ZNF248: variants seen among roughly 807,000 people sequenced by gnomAD.
The protein encoded by ZNF248 is zinc finger protein 248.
In ZNF248, 20 loss-of-function variants were observed where a neutral mutation model predicts 44.3. The ratio of observed to expected loss-of-function variants is 0.45; its 90% CI spans 0.32 to 0.66. The LOEUF is 0.66. Ranked by LOEUF, ZNF248 falls within the 30% of genes least tolerant of loss-of-function variation. The pLI is 0.04. For missense variants in ZNF248, 654 were observed against 677.0 expected, an observed-to-expected ratio of 0.97 and a Z score of 0.38; for synonymous variants, 224 against 229.0, an observed-to-expected ratio of 0.98 and a Z score of 0.20.
At chr10:37,846,976 C>T (rs934191088) in intron 3 of ZNF248, among the ~76,000 whole-genome samples, 3 of 152,082 alleles carry the variant, frequency 2.0e-5, no homozygotes, top group Admixed American at 6.5e-5. Flanking sequence ...TGGGAAACAC[C>T]GATTATACAT....
Position 37,848,604 on chromosome 10 carries a change from T to C in ZNF248, c.15+7692A>G, listed in dbSNP as rs546498437. Among the ~76,000 whole-genome samples, 8 of 149,646 alleles carry C rather than the reference T, an allele frequency of 5.3e-5. No homozygotes were observed. The South Asian group carries it at 1.1e-3, about 20-fold the overall frequency. ...TCCGTCTCAAAAAAAAAAAAAAGAA[T>C]ACTCCTGGGAAGGAGCCCCTCAGCA... On this transcript the variant is annotated intron_variant, in intron 3 of 5. Coordinates refer to ENST00000395867, the MANE Select transcript of ZNF248 (RefSeq NM_021045.3).
intron 6 of ZNF248, among the ~76,000 whole-genome samples, chr10:37,789,291 CAA>C (rs5784563): frequency 6.8e-5 from 10 of 146,652 alleles, no homozygotes; most frequent in African/African-American, 2.5e-4. Flanking sequence ...AATTATATCT[CAA>C]AAAAAAAAAC....
rs1326739288 is a variant in ZNF248 at position 37,829,490 on chromosome 10, T to G, written c.*2125A>C. ...TAATTACCATATAGAACATTAACAC[T>G]TAGAAAAATATTCCTCTGTGTCAGC... On this transcript the variant is annotated 3_prime_UTR_variant, in exon 6 of 6. Transcript: ENST00000395867. 30 of 984,988 alleles carry G rather than the reference T, an allele frequency of 3.0e-5. No individual in the cohort carries two copies. Among genetic ancestry groups the G allele is most frequent in the Non-Finnish European group, 3.3e-5 (27 of 829,784 alleles). 61.0% of individuals were successfully genotyped at this position (984,988 alleles called of 1,614,324 possible).
chr10:37,764,913 C>A, the ZNF248 span, among the ~76,000 whole-genome samples: 1 of 151,932 alleles, frequency 6.6e-6, no homozygotes, highest in South Asian at 2.1e-4. Flanking sequence ...ATGCATGAAT[C>A]TGCACTAGTT....
downstream of ZNF248, among the ~76,000 whole-genome samples, chr10:37,826,206 C>A (rs562253586): frequency 4.2e-4 from 64 of 152,202 alleles, no homozygotes; most frequent in African/African-American, 1.4e-3. Flanking sequence ...TAAAAGGACA[C>A]TGAAATATAA....
intron 6 of ZNF248, chr10:37,820,352 C>T: frequency 7.1e-7 from 1 of 1,412,830 alleles, no homozygotes; most frequent in South Asian, 1.2e-5. Flanking sequence ...CCCTTTGTGC[C>T]AGCTGCTCTG....
At chr10:37,845,972 A>G (rs2059254389) in intron 3 of ZNF248, among the ~76,000 whole-genome samples, 1 of 152,218 alleles carries the variant, frequency 6.6e-6, no homozygotes, top group Non-Finnish European at 1.5e-5. Context: ...GTAAACTGGT[A>G]CAAACCTTGG....
chr10:37,820,274 G>T, intron 6 of ZNF248: 1 of 1,380,318 alleles, frequency 7.2e-7, no homozygotes, highest in South Asian at 1.2e-5. Context: ...AATGCTCTGT[G>T]TTGCCAGATC....
At chr10:37,848,167 G>C (rs1021821875) in intron 3 of ZNF248, among the ~76,000 whole-genome samples, 1 of 152,152 alleles carries the variant, frequency 6.6e-6, no homozygotes, top group African/African-American at 2.4e-5. Flanking sequence ...CAGCTACTCG[G>C]GAGGCTGAGG....
chr10:37,853,689 G>C (rs1490725653), intron 3 of ZNF248, among the ~76,000 whole-genome samples: 1 of 151,738 alleles, frequency 6.6e-6, no homozygotes, highest in Non-Finnish European at 1.5e-5. Flanking sequence ...CACCGGAATG[G>C]TATTTTTAAA....
chr10:37,840,269 GCAAA>G (rs1466786676), intron 3 of ZNF248, among the ~76,000 whole-genome samples: 2 of 152,066 alleles, frequency 1.3e-5, no homozygotes, highest in Non-Finnish European at 2.9e-5. Context: ...AAAAATATTT[GCAAA>G]CACTTACCTA....
chr10:37,772,361 C>T (rs1406544399), downstream of ZNF248, among the ~76,000 whole-genome samples: 1 of 151,968 alleles, frequency 6.6e-6, no homozygotes, highest in African/African-American at 2.4e-5. Context: ...ACTGTATGCA[C>T]TGTGTGTGTC....
At chr10:37,815,381 C>T (rs2052276396) in intron 6 of ZNF248, among the ~76,000 whole-genome samples, 1 of 151,064 alleles carries the variant, frequency 6.6e-6, no homozygotes, top group Admixed American at 6.6e-5. Flanking sequence ...TTTTTCTTTC[C>T]TTAAATTTGA....
At chr10:37,765,994 G>A in the ZNF248 span, among the ~76,000 whole-genome samples, 10 of 152,232 alleles carry the variant, frequency 6.6e-5, no homozygotes, top group East Asian at 1.9e-4. Context: ...CTACGCCCAC[G>A]GAGTCTCACT....
chr10:37,805,768 A>C (rs533261551), intron 6 of ZNF248, among the ~76,000 whole-genome samples: 9 of 152,286 alleles, frequency 5.9e-5, no homozygotes, highest in African/African-American at 1.7e-4. Context: ...TTTTTGCATC[A>C]TTCTAAAAAA....
At chr10:37,827,206 C>G (rs1352752463), downstream of ZNF248, among the ~76,000 whole-genome samples, 4 of 152,152 alleles carry the variant, frequency 2.6e-5, no homozygotes, top group Admixed American at 2.6e-4. Context: ...ATAGGGCAAG[C>G]CTTTACTAGG....
rs987740697 is a variant in ZNF248 at position 37,819,943 on chromosome 10, C to T, written c.330+13082G>A. 6.4e-5 allele frequency: 49 copies of T among 769,750 alleles called. 4 individuals carry two copies. The highest frequency in any genetic ancestry group is 5.0e-4 in the South Asian group (37 of 73,720). The allele number at this position is 769,750 out of a possible 1,614,324, so 47.7% of individuals were successfully genotyped here. On this transcript the variant is annotated intron_variant, in intron 6 of 6. Coordinates refer to the ZNF248 transcript ENST00000615949. ...TTGTTCAGTAAACGAGGCCCCATGT[C>T]GGACAGTAGTAAAGCGGCCCCATCT...
At chr10:37,856,195 T>C in intron 3 of ZNF248, 101 bp downstream of exon 3, 1 of 1,347,340 alleles carries the variant, frequency 7.4e-7, no homozygotes, top group East Asian at 2.3e-5. Context: ...TTAATGTCAA[T>C]TTTTGCCTAT....
the ZNF248 span, among the ~76,000 whole-genome samples, chr10:37,759,775 G>T: frequency 6.6e-6 from 1 of 152,228 alleles, no homozygotes; most frequent in South Asian, 2.1e-4. Context: ...GGGAAAATCT[G>T]CTCTGAATAG....
Sources: gnomAD v4.1 joint callset for allele counts (sites outside exome capture counted in the v4.1 genomes callset) on GRCh38, gnomAD v4.1.1 for gene constraint, MANE v1.5 for transcripts, NCBI Gene and HGNC (gene_info 2026-07-23, HGNC 2026-07-21) for gene names.